SDK1: variants seen among roughly 807,000 people sequenced by gnomAD.
SDK1 encodes sidekick cell adhesion molecule 1.
Under a neutral mutation model 245.5 loss-of-function variants are expected in SDK1, and 157 were observed. The observed-to-expected ratio is 0.64, with a 90% CI of 0.56 to 0.73. The LOEUF (loss-of-function observed/expected upper bound fraction) is 0.73, where lower values mean the gene tolerates loss of function less well. SDK1 is among the 30% of genes least tolerant of loss of function. SDK1 has a pLI of 0.00. For synonymous variants in SDK1, 1,647 were observed against 1,278.5 expected (o/e 1.29, Z -6.15); for missense variants, 3,583 against 3,002.3 (o/e 1.19, Z -4.52).
chr7:3,625,867 C>T (rs928527663), intron 2 of SDK1, among the ~76,000 whole-genome samples: 5 of 151,940 alleles, frequency 3.3e-5, no homozygotes, highest in Non-Finnish European at 5.9e-5. Context: ...CTCAGGGCTG[C>T]CTGGAAGTGT....
chr7:3,596,858 A>C (rs183794604), intron 1 of SDK1, among the ~76,000 whole-genome samples: 1 of 152,216 alleles, frequency 6.6e-6, no homozygotes, highest in Non-Finnish European at 1.5e-5. Flanking sequence ...GGAAAGCACC[A>C]TAAAAGATAG....
chr7:3,700,762 A>G (rs1253231956), intron 4 of SDK1, among the ~76,000 whole-genome samples: 1 of 152,166 alleles, frequency 6.6e-6, no homozygotes, highest in Non-Finnish European at 1.5e-5. Flanking sequence ...ACAATAGAGA[A>G]AAGTCGATTC....
At chr7:3,916,043 G>T (rs551108193) in intron 5 of SDK1, among the ~76,000 whole-genome samples, 1 of 152,072 alleles carries the variant, frequency 6.6e-6, no homozygotes, top group Non-Finnish European at 1.5e-5. Context: ...GCACACCCAG[G>T]AAAAAGAAAC....
chr7:3,829,507 C>T (rs949921762), intron 5 of SDK1, among the ~76,000 whole-genome samples: 2 of 152,106 alleles, frequency 1.3e-5, no homozygotes, highest in African/African-American at 4.8e-5. Context: ...ATTATTGACC[C>T]AGATCACAAG....
chr7:4,012,355 G>A (rs1786046525), intron 16 of SDK1, 120 bp downstream of exon 16: 2 of 1,110,704 alleles, frequency 1.8e-6, no homozygotes, highest in East Asian at 2.9e-5. Flanking sequence ...GTCAGGCCAG[G>A]TGTGAGATGT....
chr7:3,719,736 T>G (rs1442712484), intron 4 of SDK1, among the ~76,000 whole-genome samples: 2 of 152,106 alleles, frequency 1.3e-5, no homozygotes, highest in Non-Finnish European at 2.9e-5. Context: ...CCCAGCAGTC[T>G]GGGAGGCTGA....
At chr7:3,621,963 GAT>G (rs1781955791) in intron 2 of SDK1, among the ~76,000 whole-genome samples, 1 of 152,140 alleles carries the variant, frequency 6.6e-6, no homozygotes, top group Non-Finnish European at 1.5e-5. Context: ...AGTCACATGA[GAT>G]ATTCAACAGT....
chr7:3,376,449 T>A (rs1197172041), intron 1 of SDK1, among the ~76,000 whole-genome samples: 1 of 152,004 alleles, frequency 6.6e-6, no homozygotes, highest in Non-Finnish European at 1.5e-5. Context: ...TAAAAATCAG[T>A]AAGAAGACTC....
At chr7:4,245,582 C>T in intron 43 of SDK1, 94 bp from the exon 44 acceptor site, 1 of 1,450,414 alleles carries the variant, frequency 6.9e-7, no homozygotes, top group Non-Finnish European at 9.4e-7. Flanking sequence ...TCCTCTTAGT[C>T]CAACGCAATA....
At chr7:3,859,477 C>T (rs1780634588) in intron 5 of SDK1, among the ~76,000 whole-genome samples, 2 of 152,066 alleles carry the variant, frequency 1.3e-5, no homozygotes, top group Admixed American at 1.3e-4. Context: ...GCTGTAGGTG[C>T]CCACTGTGGC....
intron 5 of SDK1, among the ~76,000 whole-genome samples, chr7:3,851,345 C>G (rs927795429): frequency 1.1e-4 from 16 of 151,968 alleles, no homozygotes; most frequent in African/African-American, 3.9e-4. Context: ...TTCTTAGAAA[C>G]TAATATTTAA....
At chr7:3,457,827 C>A (rs1186606092) in intron 1 of SDK1, among the ~76,000 whole-genome samples, 25 of 152,166 alleles carry the variant, frequency 1.6e-4, no homozygotes, top group Admixed American at 1.6e-3. Flanking sequence ...GACTCCATGT[C>A]TCTCTCTCTT....
intron 25 of SDK1, among the ~76,000 whole-genome samples, chr7:4,116,442 G>A (rs1210733421): frequency 6.6e-6 from 1 of 152,226 alleles, no homozygotes; most frequent in Non-Finnish European, 1.5e-5. Context: ...CGCTCTGTGT[G>A]CCACAGCGTG....
At chr7:3,934,942 C>CA (rs1426582441) in intron 5 of SDK1, among the ~76,000 whole-genome samples, 1 of 152,218 alleles carries the variant, frequency 6.6e-6, no homozygotes, top group African/African-American at 2.4e-5. Flanking sequence ...GGAGACTGTG[C>CA]AAAGCCCCTT....
chr7:3,632,011 A>G (rs1166344147), intron 2 of SDK1, among the ~76,000 whole-genome samples: 2 of 152,172 alleles, frequency 1.3e-5, no homozygotes, highest in African/African-American at 4.8e-5. Flanking sequence ...TCATACTTTA[A>G]TCCTTGATAT....
chr7:3,543,333 C>T (rs148853760), intron 1 of SDK1, among the ~76,000 whole-genome samples: 170 of 152,360 alleles, frequency 1.1e-3, no homozygotes, highest in African/African-American at 3.7e-3. Context: ...TTCATGGACG[C>T]GATCACTATC....
chr7:3,537,815 T>G (rs755047576), intron 1 of SDK1, among the ~76,000 whole-genome samples: 3 of 152,164 alleles, frequency 2.0e-5, no homozygotes, highest in African/African-American at 4.8e-5. Flanking sequence ...TAGAAGGTGA[T>G]AGCCTGGCTG....
At chr7:3,367,017 G>A (rs1044039697) in intron 1 of SDK1, among the ~76,000 whole-genome samples, 4 of 152,168 alleles carry the variant, frequency 2.6e-5, no homozygotes, top group African/African-American at 9.7e-5. Context: ...TGGGATTACA[G>A]GCGTGAGCTA....
chr7:3,899,704 C>T (rs1360924595), intron 5 of SDK1, among the ~76,000 whole-genome samples: 2 of 152,258 alleles, frequency 1.3e-5, no homozygotes, highest in African/African-American at 4.8e-5. Flanking sequence ...GAAGCACCTC[C>T]TCTGTCGGCC....
Sources: gnomAD v4.1 joint callset for allele counts (sites outside exome capture counted in the v4.1 genomes callset) on GRCh38, gnomAD v4.1.1 for gene constraint, MANE v1.5 for transcripts, NCBI Gene and HGNC (gene_info 2026-07-23, HGNC 2026-07-21) for gene names.